KLF17: variants seen among roughly 807,000 people sequenced by gnomAD.
KLF17 encodes KLF transcription factor 17.
KLF17 carries 31 observed loss-of-function variants against 34.2 expected under a neutral mutation model. The ratio of observed to expected loss-of-function variants is 0.91; its 90% CI spans 0.68 to 1.22. The LOEUF is 1.22. Among genes scored for constraint, KLF17 ranks in the 50% most tolerant of loss-of-function variants. The pLI is 0.00. For missense variants in KLF17, 478 were observed against 505.2 expected, an observed-to-expected ratio of 0.95 and a Z score of 0.52; for synonymous variants, 179 against 186.7, an observed-to-expected ratio of 0.96 and a Z score of 0.34.
intron 1 of KLF17, among the ~76,000 whole-genome samples, chr1:44,127,276 C>T (rs1197678540): frequency 6.6e-6 from 1 of 152,102 alleles, no homozygotes; most frequent in African/African-American, 2.4e-5. Flanking sequence ...GTAAGTACAG[C>T]TTCTACAAAG....
the KLF17 span, among the ~76,000 whole-genome samples, chr1:44,081,074 A>G: frequency 6.6e-6 from 1 of 152,028 alleles, no homozygotes; most frequent in South Asian, 2.1e-4. Context: ...ACTAATATGA[A>G]AGAAAATCTA....
At chr1:44,079,224 A>G in the KLF17 span, among the ~76,000 whole-genome samples, 2 of 151,540 alleles carry the variant, frequency 1.3e-5, no homozygotes, top group African/African-American at 4.9e-5. Context: ...TACATCTGCT[A>G]TGCCTGTATT....
the KLF17 span, among the ~76,000 whole-genome samples, chr1:44,054,388 C>T: frequency 6.6e-6 from 1 of 151,902 alleles, no homozygotes; most frequent in African/African-American, 2.4e-5. Flanking sequence ...GTTACCCACC[C>T]CAGGAAAATA....
chr1:44,127,201 G>A (rs1002329671), intron 1 of KLF17, among the ~76,000 whole-genome samples: 1 of 151,954 alleles, frequency 6.6e-6, no homozygotes. Flanking sequence ...GAGCCACTGT[G>A]CCTAGCAATA....
At chr1:44,054,637 T>C in the KLF17 span, among the ~76,000 whole-genome samples, 1 of 143,484 alleles carries the variant, frequency 7.0e-6, no homozygotes, top group Non-Finnish European at 1.5e-5. Flanking sequence ...CTCACCACCA[T>C]GACCGGCTAA....
the KLF17 span, among the ~76,000 whole-genome samples, chr1:44,111,532 G>T: frequency 7.2e-6 from 1 of 138,082 alleles, no homozygotes. Flanking sequence ...TAGGTTTACA[G>T]GAAAATTGCA....
chr1:44,122,151 CATT>C (rs757753657), intron 1 of KLF17: 65 of 1,546,212 alleles, frequency 4.2e-5, no homozygotes, highest in Non-Finnish European at 5.2e-5. Flanking sequence ...TCCTGAGAGA[CATT>C]ATCGCCTAGG....
At chr1:44,120,174 G>A (rs2087929862) in intron 1 of KLF17, among the ~76,000 whole-genome samples, 1 of 152,200 alleles carries the variant, frequency 6.6e-6, no homozygotes, top group Non-Finnish European at 1.5e-5. Context: ...TTTGAGGGAG[G>A]TGGGCAAAGA....
At chr1:44,084,007 C>G in the KLF17 span, among the ~76,000 whole-genome samples, 62 of 152,226 alleles carry the variant, frequency 4.1e-4, no homozygotes, top group African/African-American at 1.4e-3. Context: ...TGTTTAGACT[C>G]TTGTTTCTGT....
the KLF17 span, among the ~76,000 whole-genome samples, chr1:44,058,776 G>A: frequency 4.3e-5 from 6 of 140,574 alleles, no homozygotes; most frequent in South Asian, 1.1e-3. Flanking sequence ...CAAGCTCCAG[G>A]GAGGCCCTTT....
the KLF17 span, among the ~76,000 whole-genome samples, chr1:44,081,345 A>T: frequency 6.6e-6 from 1 of 151,638 alleles, no homozygotes; most frequent in South Asian, 2.1e-4. Flanking sequence ...AGTTTAAAGC[A>T]CTAGGTTTAA....
the KLF17 span, among the ~76,000 whole-genome samples, chr1:44,087,798 A>G: frequency 1.5e-5 from 2 of 135,962 alleles, no homozygotes; most frequent in Non-Finnish European, 3.2e-5. Flanking sequence ...ACACACACAC[A>G]CACGCATATA....
the KLF17 span, among the ~76,000 whole-genome samples, chr1:44,087,775 C>T: frequency 5.9e-4 from 67 of 114,428 alleles, no homozygotes; most frequent in Middle Eastern, 4.5e-3. Context: ...TATATACACA[C>T]ACACACACAC....
the KLF17 span, among the ~76,000 whole-genome samples, chr1:44,102,559 TACACATACACACAC>T: frequency 0.082 from 7,153 of 87,484 alleles, 365 homozygotes; most frequent in East Asian, 0.15. Flanking sequence ...ATCACACACA[TACACATACACACAC>T]ACACACACAC....
the KLF17 span, among the ~76,000 whole-genome samples, chr1:44,089,595 G>A: frequency 6.6e-6 from 1 of 152,202 alleles, no homozygotes; most frequent in East Asian, 1.9e-4. Context: ...TCCTTGAAGG[G>A]GGATCTGGGC....
the KLF17 span, among the ~76,000 whole-genome samples, chr1:44,102,121 T>C: frequency 6.6e-6 from 1 of 152,140 alleles, no homozygotes; most frequent in Non-Finnish European, 1.5e-5. Flanking sequence ...AAAACAAATA[T>C]GGTAGATATT....
upstream of KLF17, among the ~76,000 whole-genome samples, chr1:44,118,602 G>C (rs1488276153): frequency 6.6e-6 from 1 of 152,180 alleles, no homozygotes; most frequent in African/African-American, 2.4e-5. Flanking sequence ...CTCAGACTGA[G>C]GGGTGGAATG....
chr1:44,096,523 A>G, the KLF17 span, among the ~76,000 whole-genome samples: 2 of 150,520 alleles, frequency 1.3e-5, no homozygotes, highest in Non-Finnish European at 3.0e-5. Context: ...CTCAGCCTCC[A>G]GAACAGCTGG....
chr1:44,069,467 GGCGA>G, the KLF17 span, among the ~76,000 whole-genome samples: 4 of 92,852 alleles, frequency 4.3e-5, no homozygotes, highest in East Asian at 9.6e-4. This position sits in a 1 kb window ranked among gnomAD's most constrained non-coding sequence, Gnocchi z 4.7. Context: ...TGTGTTACAT[GGCGA>G]GAGAGAGAGA....
Sources: gnomAD v4.1 joint callset for allele counts (sites outside exome capture counted in the v4.1 genomes callset) on GRCh38, gnomAD v4.1.1 for gene constraint, Gnocchi (gnomAD v3.1) non-coding constraint, MANE v1.5 for transcripts, NCBI Gene and HGNC (gene_info 2026-07-23, HGNC 2026-07-21) for gene names.